The following KAZN variants were observed in gnomAD, a reference collection of about 807,000 sequenced individuals.
The protein encoded by KAZN is kazrin.
In KAZN, 40 loss-of-function variants were observed where a neutral mutation model predicts 87.4. That is an observed-to-expected ratio of 0.46 (90% CI 0.36 to 0.60). KAZN has a LOEUF of 0.60. Ranked by LOEUF, KAZN falls within the 20% of genes least tolerant of loss-of-function variation. The pLI is 0.00. For synonymous variants in KAZN, 466 were observed against 458.3 expected (o/e 1.02, Z -0.22); for missense variants, 898 against 1,073.9 (o/e 0.84, Z 2.29).
intron 2 of KAZN, among the ~76,000 whole-genome samples, chr1:14,579,147 G>T (rs993309979): frequency 1.3e-5 from 2 of 152,118 alleles, no homozygotes; most frequent in Admixed American, 1.3e-4. Context: ...GCCACTTAGG[G>T]ATTTGCCTAA....
At chr1:14,363,891 CG>C (rs1259583739) in intron 2 of KAZN, among the ~76,000 whole-genome samples, 4 of 151,538 alleles carry the variant, frequency 2.6e-5, no homozygotes, top group Non-Finnish European at 5.9e-5. Flanking sequence ...ACACCATAAA[CG>C]GTTGTGTATT....
intron 8 of KAZN, among the ~76,000 whole-genome samples, chr1:15,093,044 G>A (rs570255831): frequency 6.6e-5 from 10 of 151,702 alleles, no homozygotes; most frequent in Non-Finnish European, 7.4e-5. Flanking sequence ...GACGACTGCC[G>A]CTGTGTTGTT....
At chr1:13,903,514 C>G (rs1271526337) in intron 1 of KAZN, among the ~76,000 whole-genome samples, 1 of 152,150 alleles carries the variant, frequency 6.6e-6, no homozygotes, top group Non-Finnish European at 1.5e-5. Flanking sequence ...GTGGGGGACT[C>G]CCATCGAAGG....
chr1:14,834,966 C>T (rs1294331472), intron 1 of KAZN, among the ~76,000 whole-genome samples: 1 of 152,100 alleles, frequency 6.6e-6, no homozygotes, highest in Non-Finnish European at 1.5e-5. Flanking sequence ...AGCTAGACCA[C>T]CCGCTAAAAA....
intron 1 of KAZN, among the ~76,000 whole-genome samples, chr1:14,845,565 GGA>G (rs1648650179): frequency 6.6e-6 from 1 of 150,730 alleles, no homozygotes; most frequent in Non-Finnish European, 1.5e-5. Context: ...GTGGGTGGAT[GGA>G]TGGATGGATG....
At chr1:14,099,783 C>T (rs1570735626) in intron 1 of KAZN, among the ~76,000 whole-genome samples, 1 of 152,288 alleles carries the variant, frequency 6.6e-6, no homozygotes, top group Non-Finnish European at 1.5e-5. Flanking sequence ...GAAATGGTAC[C>T]TTTAAAGGTG....
At chr1:14,326,711 C>T (rs1400088905) in intron 2 of KAZN, among the ~76,000 whole-genome samples, 1 of 152,210 alleles carries the variant, frequency 6.6e-6, no homozygotes, top group Non-Finnish European at 1.5e-5. Context: ...CCCTGGACCC[C>T]TGAATGTCCC....
At chr1:14,931,395 G>A (rs924278037) in intron 1 of KAZN, among the ~76,000 whole-genome samples, 6 of 152,064 alleles carry the variant, frequency 3.9e-5, no homozygotes, top group African/African-American at 1.4e-4. Flanking sequence ...GTTATAGTGA[G>A]CTAAGATCAT....
At chr1:14,504,836 A>G (rs1171262277) in intron 2 of KAZN, among the ~76,000 whole-genome samples, 2 of 152,234 alleles carry the variant, frequency 1.3e-5, no homozygotes, top group African/African-American at 4.8e-5. Flanking sequence ...GTGGAGGCCA[A>G]CAAATTAAAG....
intron 1 of KAZN, among the ~76,000 whole-genome samples, chr1:14,034,704 A>T (rs1201410696): frequency 1.3e-5 from 2 of 152,218 alleles, no homozygotes; most frequent in Non-Finnish European, 2.9e-5. Context: ...AAACATAACC[A>T]GAAGAGAGAG....
At chr1:14,280,530 C>T (rs1393658718) in intron 2 of KAZN, among the ~76,000 whole-genome samples, 1 of 151,930 alleles carries the variant, frequency 6.6e-6, no homozygotes, top group Non-Finnish European at 1.5e-5. Flanking sequence ...GATACATCTC[C>T]AAGCCAAGGA....
rs148681430 is a variant in KAZN, at chr1:14,751,925, G to C, written c.226+152702G>C. Among the ~76,000 whole-genome samples the C allele has an allele frequency of 4.3e-3, 656 of 152,056 alleles. 5 individuals carry two copies. The highest frequency in any genetic ancestry group is 0.015 in the African/African-American group (630 of 41,386). Reference sequence around the variant, plus strand: ...GCTATAAAGGAATATGTGAGGCTAGGTAATTTAAGAAGAAAAAAAGTTTTA... The same window carrying C: ...GCTATAAAGGAATATGTGAGGCTAGCTAATTTAAGAAGAAAAAAAGTTTTA... On this transcript the variant is annotated intron_variant, in intron 1 of 14. Coordinates refer to ENST00000376030, the MANE Select transcript of KAZN (RefSeq NM_201628.3).
intron 1 of KAZN, among the ~76,000 whole-genome samples, chr1:14,097,407 G>T (rs900898594): frequency 6.6e-5 from 10 of 152,168 alleles, no homozygotes; most frequent in African/African-American, 2.4e-4. Context: ...CTCCCTGCTT[G>T]CCTGGAATGT....
At chr1:14,924,122 G>A in intron 1 of KAZN, 1 of 982,714 alleles carries the variant, frequency 1.0e-6, no homozygotes, top group Non-Finnish European at 1.2e-6. Context: ...AGGAGCCGCG[G>A]GACTGAGAGC....
At chr1:14,001,887 C>A (rs112031187) in intron 1 of KAZN, among the ~76,000 whole-genome samples, 24,840 of 152,194 alleles carry the variant, frequency 0.16, 2,250 homozygotes, top group African/African-American at 0.2. Context: ...AAACCCCAAA[C>A]CATAAAATCC....
intron 2 of KAZN, among the ~76,000 whole-genome samples, chr1:14,589,481 G>A (rs2148577641): frequency 6.6e-6 from 1 of 152,298 alleles, no homozygotes; most frequent in African/African-American, 2.4e-5. Context: ...AGTGAGTACT[G>A]AATATTAGGG....
chr1:14,080,881 A>G (rs1005154317), intron 1 of KAZN, among the ~76,000 whole-genome samples: 2 of 152,202 alleles, frequency 1.3e-5, no homozygotes, highest in African/African-American at 2.4e-5. Context: ...AGACCTCAGC[A>G]CTAAACAGCC....
intron 1 of KAZN, among the ~76,000 whole-genome samples, chr1:14,005,156 T>G (rs971648350): frequency 6.6e-6 from 1 of 152,084 alleles, no homozygotes; most frequent in African/African-American, 2.4e-5. Context: ...AAATATTACT[T>G]TAAAAAGGAA....
intron 1 of KAZN, among the ~76,000 whole-genome samples, chr1:14,134,565 G>A (rs944219981): frequency 2.0e-5 from 3 of 151,804 alleles, no homozygotes; most frequent in Admixed American, 2.0e-4. Flanking sequence ...TATTATCCTA[G>A]GACTTAGTAA....
Sources: allele counts gnomAD v4.1 joint callset (sites outside exome capture counted in the v4.1 genomes callset), GRCh38; gene constraint gnomAD v4.1.1; transcripts MANE v1.5; gene names NCBI Gene and HGNC (gene_info 2026-07-23, HGNC 2026-07-21).